KLF17: variants seen among roughly 807,000 people sequenced by gnomAD.
KLF17 encodes the protein KLF transcription factor 17, also known as Krueppel-like factor 17.
Under a neutral mutation model 34.2 loss-of-function variants are expected in KLF17, and 31 were observed. The ratio of observed to expected loss-of-function variants is 0.91; its 90% confidence interval spans 0.68 to 1.22. The LOEUF (loss-of-function observed/expected upper bound fraction) is 1.22, where lower values mean the gene tolerates loss of function less well. Ranked by LOEUF, KLF17 falls within the 50% of genes most tolerant of loss-of-function variation. The pLI is 0.00. For synonymous variants in KLF17, 179 were observed against 186.7 expected (o/e 0.96, Z 0.34); for missense variants, 478 against 505.2 (o/e 0.95, Z 0.52).
the KLF17 span, among the ~76,000 whole-genome samples, chr1:44,068,869 C>A: frequency 1.3e-5 from 2 of 152,166 alleles, no homozygotes; most frequent in Admixed American, 1.3e-4. Context: ...CTGGCCCATC[C>A]CCTGTTGTAA....
chr1:44,119,259 G>A (rs2087918350), intron 1 of KLF17, among the ~76,000 whole-genome samples: 2 of 152,016 alleles, frequency 1.3e-5, no homozygotes, highest in African/African-American at 2.4e-5. Flanking sequence ...TAAATCATAC[G>A]TCGTTTATTC....
chr1:44,115,914 A>C (rs1434299832), upstream of KLF17: 1 of 152,230 alleles, frequency 6.6e-6, no homozygotes, highest in African/African-American at 2.4e-5. Flanking sequence ...GTATGCATAC[A>C]AATTTTGGCA....
At chr1:44,064,481 C>T in the KLF17 span, among the ~76,000 whole-genome samples, 584 of 152,306 alleles carry the variant, frequency 3.8e-3, 2 homozygotes, top group African/African-American at 0.013. Context: ...TAAAGCTTAG[C>T]TGTGGACTTA....
At chr1:44,071,074 G>A in the KLF17 span, among the ~76,000 whole-genome samples, 1 of 152,048 alleles carries the variant, frequency 6.6e-6, no homozygotes, top group African/African-American at 2.4e-5. Context: ...ACACCATCAT[G>A]TCCTAACTGC....
At chr1:44,125,216 C>T (rs916100465) in intron 1 of KLF17, among the ~76,000 whole-genome samples, 1 of 152,278 alleles carries the variant, frequency 6.6e-6, no homozygotes, top group Middle Eastern at 3.4e-3. Flanking sequence ...TCTTGCAGGA[C>T]ATGTCTAGTG....
At chr1:44,099,901 GA>G in the KLF17 span, among the ~76,000 whole-genome samples, 4 of 69,472 alleles carry the variant, frequency 5.8e-5, no homozygotes, top group Admixed American at 2.9e-4. Flanking sequence ...AAGAAAGAAA[GA>G]AAGAAAGAAA....
At chr1:44,060,062 C>G in the KLF17 span, among the ~76,000 whole-genome samples, 1 of 151,846 alleles carries the variant, frequency 6.6e-6, no homozygotes, top group Non-Finnish European at 1.5e-5. Context: ...GTTTGTGTAC[C>G]CCCCCAGGCT....
At chr1:44,121,836 G>C (rs925981858) in intron 1 of KLF17, among the ~76,000 whole-genome samples, 1 of 152,140 alleles carries the variant, frequency 6.6e-6, no homozygotes, top group Non-Finnish European at 1.5e-5. Flanking sequence ...TTGTATTAAG[G>C]TAGCGAAAAG....
chr1:44,058,683 T>A, the KLF17 span, among the ~76,000 whole-genome samples: 13 of 83,934 alleles, frequency 1.5e-4, no homozygotes, highest in African/African-American at 4.8e-4. Context: ...TTTTTTTTTT[T>A]TTTTTTTTTT....
At chr1:44,063,023 T>C in the KLF17 span, among the ~76,000 whole-genome samples, 1 of 152,338 alleles carries the variant, frequency 6.6e-6, no homozygotes, top group Middle Eastern at 3.4e-3. Context: ...TACATTGTGT[T>C]GTACTCATCC....
chr1:44,129,416 A>T lies in KLF17; in HGVS notation c.145A>T (p.Thr49Ser). Reference sequence around the variant, plus strand: ...ATCTTCTGGAAGCTCTGGAGTGCACACCTCTTGGAACCAAGGCCTACCAAG... The same window carrying T: ...ATCTTCTGGAAGCTCTGGAGTGCACTCCTCTTGGAACCAAGGCCTACCAAG... ...SSSSGSSGVH[T>S]SWNQGLPSIQ... The change falls in exon 2 of 4, where the codon ACC (threonine) becomes TCC (serine). Residue 49 changes from threonine to serine, a missense_variant. Transcript: ENST00000372299. 6.4e-7 allele frequency: 1 copy of T among 1,565,406 alleles called. No homozygotes were observed. Among genetic ancestry groups the T allele is most frequent in the Non-Finnish European group, 8.7e-7 (1 of 1,155,610 alleles).
chr1:44,135,052 AAAT>A lies in KLF17; in HGVS notation c.*1821_*1823del, dbSNP rs2088152848. 1 of 152,154 alleles carries A rather than the reference AAAT, an allele frequency of 6.6e-6. No individual in the cohort carries two copies. The highest frequency in any genetic ancestry group is 2.4e-5 in the African/African-American group (1 of 41,448). The allele number at this position is 152,154 out of a possible 1,614,324, so 9.4% of individuals were successfully genotyped here. A position where few individuals can be genotyped will look rare whatever the true frequency, so the allele number is the denominator to read the frequency against. ...AAAAGGAAAAAAGAAAAATAATAAA[AAAT>A]AATAAAAATCCTTAGGATAACTTGA... On this transcript the variant is annotated 3_prime_UTR_variant, in exon 4 of 4. Coordinates refer to ENST00000372299, the MANE Select transcript of KLF17 (RefSeq NM_173484.4).
chr1:44,059,045 T>C, the KLF17 span, among the ~76,000 whole-genome samples: 1 of 152,206 alleles, frequency 6.6e-6, no homozygotes, highest in African/African-American at 2.4e-5. Flanking sequence ...TGAGTACACC[T>C]ACGGCTGTTA....
the KLF17 span, among the ~76,000 whole-genome samples, chr1:44,067,340 T>C: frequency 3.3e-5 from 5 of 152,336 alleles, no homozygotes; most frequent in African/African-American, 1.2e-4. Flanking sequence ...AGGTACTAGA[T>C]AAAGCTGAAT....
the KLF17 span, among the ~76,000 whole-genome samples, chr1:44,057,202 C>A: frequency 6.6e-6 from 1 of 152,040 alleles, no homozygotes; most frequent in Admixed American, 6.5e-5. Context: ...CCCTAGACTT[C>A]CATTCAAAAA....
At chr1:44,102,357 G>T in the KLF17 span, among the ~76,000 whole-genome samples, 1 of 152,134 alleles carries the variant, frequency 6.6e-6, no homozygotes, top group South Asian at 2.1e-4. Flanking sequence ...TTCGAGACCA[G>T]CCTGGCCAAC....
chr1:44,068,550 C>T, the KLF17 span, among the ~76,000 whole-genome samples: 5 of 152,242 alleles, frequency 3.3e-5, no homozygotes, highest in Admixed American at 6.5e-5. Context: ...CCCTGCCCTT[C>T]GGCCTTGGCC....
At chr1:44,095,210 CT>C in the KLF17 span, among the ~76,000 whole-genome samples, 11,620 of 119,062 alleles carry the variant, frequency 0.098, 562 homozygotes, top group African/African-American at 0.14. Flanking sequence ...CTATTTATAT[CT>C]TTTTTTTTTT....
chr1:44,097,540 T>C, the KLF17 span, among the ~76,000 whole-genome samples: 2 of 152,078 alleles, frequency 1.3e-5, no homozygotes, highest in African/African-American at 2.4e-5. Flanking sequence ...TGTATACCTA[T>C]GTAACAAACC....
Sources: gnomAD v4.1 joint callset for allele counts (sites outside exome capture counted in the v4.1 genomes callset) on GRCh38, gnomAD v4.1.1 for gene constraint, MANE v1.5 for transcripts, NCBI Gene and HGNC (gene_info 2026-07-23, HGNC 2026-07-21) for gene names.